SPOCK3: variants seen among roughly 807,000 people sequenced by gnomAD.
The protein encoded by SPOCK3 is SPARC (osteonectin), cwcv and kazal like domains proteoglycan 3, also known as testican-3.
A neutral mutation model predicts 56.6 loss-of-function variants in SPOCK3; 30 were observed. The ratio of observed to expected loss-of-function variants is 0.53; its 90% CI spans 0.40 to 0.72. The LOEUF is 0.72. Among genes scored for constraint, SPOCK3 ranks in the 30% least tolerant of loss-of-function variants. The pLI, the probability that SPOCK3 is intolerant of heterozygous loss-of-function variation, is 0.00. For synonymous variants in SPOCK3, 196 were observed against 183.3 expected (o/e 1.07, Z -0.56); for missense variants, 527 against 530.0 (o/e 0.99, Z 0.06).
intron 6 of SPOCK3, among the ~76,000 whole-genome samples, chr4:166,854,867 A>G (rs191004780): frequency 9.6e-4 from 146 of 152,250 alleles, no homozygotes; most frequent in East Asian, 9.7e-4. Context: ...AGTGCTAGGA[A>G]AGTTCTTTCT....
At chr4:166,762,919 C>T (rs1737437982) in intron 7 of SPOCK3, among the ~76,000 whole-genome samples, 1 of 152,036 alleles carries the variant, frequency 6.6e-6, no homozygotes, top group Non-Finnish European at 1.5e-5. Context: ...GACTATGTCA[C>T]TTGCCTTAAC....
chr4:166,888,305 T>A (rs1210073702), intron 6 of SPOCK3, among the ~76,000 whole-genome samples: 5 of 152,036 alleles, frequency 3.3e-5, no homozygotes, highest in African/African-American at 1.2e-4. Flanking sequence ...AATAAGGGCA[T>A]CCAATAATAA....
intron 4 of SPOCK3, among the ~76,000 whole-genome samples, chr4:166,969,697 G>A (rs1474705073): frequency 6.6e-6 from 1 of 152,076 alleles, no homozygotes; most frequent in Admixed American, 6.5e-5. Flanking sequence ...GGAACCATGA[G>A]CCAATTAAAC....
chr4:166,899,432 T>G (rs2127047931), intron 5 of SPOCK3, among the ~76,000 whole-genome samples: 1 of 152,050 alleles, frequency 6.6e-6, no homozygotes, highest in South Asian at 2.1e-4. Flanking sequence ...ACTACAGTAT[T>G]ATTACACCTC....
chr4:166,960,308 CATATT>C (rs1277108010), intron 4 of SPOCK3, among the ~76,000 whole-genome samples: 2 of 152,010 alleles, frequency 1.3e-5, no homozygotes, highest in Non-Finnish European at 1.5e-5. Flanking sequence ...AGGTATCACT[CATATT>C]ATAGTGAAAG....
chr4:166,899,055 C>A (rs528887861), intron 5 of SPOCK3, among the ~76,000 whole-genome samples: 49 of 152,050 alleles, frequency 3.2e-4, no homozygotes, highest in African/African-American at 1.0e-3. Context: ...CTGACATCAG[C>A]ACTCATTCCA....
intron 2 of SPOCK3, chr4:167,119,675 T>C: frequency 1.5e-6 from 1 of 671,748 alleles, no homozygotes; most frequent in Non-Finnish European, 2.5e-6. Flanking sequence ...GTTTGTTTGA[T>C]GCATATCAGA....
chr4:167,225,321 T>C (rs1736486134), intron 2 of SPOCK3, among the ~76,000 whole-genome samples: 2 of 152,104 alleles, frequency 1.3e-5, no homozygotes, highest in Non-Finnish European at 2.9e-5. Context: ...GGAGACAACA[T>C]TTCTGATTCA....
chr4:167,162,523 G>A (rs1035464519), intron 2 of SPOCK3, among the ~76,000 whole-genome samples: 1 of 152,054 alleles, frequency 6.6e-6, no homozygotes. Flanking sequence ...ACATGTGCCC[G>A]ATGACTGCTG....
At chr4:166,961,442 ATG>A (rs1279199056) in intron 4 of SPOCK3, among the ~76,000 whole-genome samples, 2 of 151,832 alleles carry the variant, frequency 1.3e-5, no homozygotes, top group Admixed American at 6.6e-5. Flanking sequence ...TAAAAATAAA[ATG>A]TGTTTTTTGT....
intron 3 of SPOCK3, among the ~76,000 whole-genome samples, chr4:167,014,184 C>G (rs1472722014): frequency 6.6e-6 from 1 of 152,000 alleles, no homozygotes; most frequent in African/African-American, 2.4e-5. Flanking sequence ...TCTCAGCCCT[C>G]TAGTAGGACA....
chr4:167,022,260 A>G (rs1311575488), intron 3 of SPOCK3, among the ~76,000 whole-genome samples: 2 of 151,996 alleles, frequency 1.3e-5, no homozygotes, highest in Non-Finnish European at 2.9e-5. Context: ...ATATAATATA[A>G]ATCTCTAGGA....
intron 4 of SPOCK3, among the ~76,000 whole-genome samples, chr4:166,941,465 A>G (rs185567815): frequency 6.6e-6 from 1 of 152,290 alleles, no homozygotes; most frequent in Non-Finnish European, 1.5e-5. Context: ...TGAAAGCTAA[A>G]ATATCTACCA....
At chr4:167,218,285 C>T (rs1012363234) in intron 2 of SPOCK3, among the ~76,000 whole-genome samples, 1 of 152,062 alleles carries the variant, frequency 6.6e-6, no homozygotes, top group African/African-American at 2.4e-5. Context: ...TTAACTTGGC[C>T]TCAGATGATG....
At chr4:166,957,193 G>T (rs1743596855) in intron 4 of SPOCK3, among the ~76,000 whole-genome samples, 1 of 152,184 alleles carries the variant, frequency 6.6e-6, no homozygotes. Flanking sequence ...GGCAGAAGTG[G>T]CAGTGAGCCA....
chr4:166,811,207 T>C (rs1302158279), intron 6 of SPOCK3, among the ~76,000 whole-genome samples: 1 of 151,824 alleles, frequency 6.6e-6, no homozygotes, highest in East Asian at 1.9e-4. Flanking sequence ...TTTACATTTT[T>C]ATTCATTTGT....
At chr4:167,019,217 C>A (rs929089343) in intron 3 of SPOCK3, among the ~76,000 whole-genome samples, 2 of 152,032 alleles carry the variant, frequency 1.3e-5, no homozygotes, top group African/African-American at 4.8e-5. Context: ...TTGAGTTAAG[C>A]TTTCAAATCT....
Position 167,146,863 on chromosome 4 carries a change from G to A in SPOCK3, c.190-84326C>T, listed in dbSNP as rs184675122. Reference sequence around the variant, plus strand: ...AATGCCCACAAGAGAAAGCAGGAAAGATCTAAAACTGACACCCTAACATCA... The same window carrying A: ...AATGCCCACAAGAGAAAGCAGGAAAAATCTAAAACTGACACCCTAACATCA... On this transcript the variant is annotated intron_variant, in intron 2 of 10. Transcript: ENST00000357545. Among the ~76,000 whole-genome samples, 5 of 152,234 alleles carry A rather than the reference G, an allele frequency of 3.3e-5. 1 individual carries two copies. In the East Asian group the frequency reaches 7.7e-4, roughly 24 times the overall value.
intron 6 of SPOCK3, among the ~76,000 whole-genome samples, chr4:166,841,688 A>G (rs1204018613): frequency 2.6e-5 from 4 of 152,216 alleles, no homozygotes; most frequent in African/African-American, 9.6e-5. Flanking sequence ...GCAAAGTAAT[A>G]TTACAAATCT....
Sources: allele counts gnomAD v4.1 joint callset (sites outside exome capture counted in the v4.1 genomes callset), GRCh38; gene constraint gnomAD v4.1.1; transcripts MANE v1.5; gene names NCBI Gene and HGNC (gene_info 2026-07-23, HGNC 2026-07-21).